The following TRIB3 variants were observed in gnomAD, a reference collection of about 807,000 sequenced individuals.
TRIB3 encodes tribbles pseudokinase 3.
A neutral mutation model predicts 16.6 loss-of-function variants in TRIB3; 20 were observed. The observed-to-expected ratio is 1.20, with a 90% CI of 0.85 to 1.75. The LOEUF is 1.75. Among genes scored for constraint, TRIB3 ranks in the 40% most tolerant of loss-of-function variants. The pLI is 0.00. For synonymous variants in TRIB3, 208 were observed against 217.0 expected (o/e 0.96, Z 0.36); for missense variants, 484 against 488.9 (o/e 0.99, Z 0.10).
rs948780258 is a variant in TRIB3, at chr20:391,234, A to T, written c.292-53A>T. 6 of 1,570,408 alleles carry T rather than the reference A, an allele frequency of 3.8e-6. 1 individual carries two copies. The highest frequency in any genetic ancestry group is 5.2e-6 in the Non-Finnish European group (6 of 1,158,370). On this transcript the variant is annotated intron_variant, in intron 2 of 3. Coordinates refer to ENST00000217233, the MANE Select transcript of TRIB3 (RefSeq NM_021158.5). ...GTCAGCTGTGACTGTTTGCAATGCC[A>T]GCCTCAGCTCCCGGGAGTCCCCAGC...
At chr20:386,233 TAAC>T (rs1228153532) in intron 1 of TRIB3, among the ~76,000 whole-genome samples, 2 of 152,106 alleles carry the variant, frequency 1.3e-5, no homozygotes, top group Non-Finnish European at 2.9e-5. Flanking sequence ...GACTGCTGTC[TAAC>T]CTACTTCTCT....
At chr20:395,614 G>A (rs900091633) in intron 3 of TRIB3, among the ~76,000 whole-genome samples, 4 of 152,124 alleles carry the variant, frequency 2.6e-5, no homozygotes, top group Admixed American at 6.5e-5. Flanking sequence ...TGGGAACTGC[G>A]AGGGTGGGTC....
intron 3 of TRIB3, among the ~76,000 whole-genome samples, chr20:393,155 A>G (rs879776523): frequency 0.19 from 27,024 of 143,126 alleles, 3,087 homozygotes; most frequent in East Asian, 0.29. Context: ...CTATGGTACA[A>G]TTACCCAAAC....
At chr20:382,661 A>C in intron 1 of TRIB3, 1 of 1,275,366 alleles carries the variant, frequency 7.8e-7, no homozygotes, top group Admixed American at 2.0e-5. Flanking sequence ...TTGTGTTTTC[A>C]TTTCATCATC....
chr20:394,424 C>G (rs1388097492), intron 3 of TRIB3, among the ~76,000 whole-genome samples: 1 of 152,138 alleles, frequency 6.6e-6, no homozygotes, highest in African/African-American at 2.4e-5. Flanking sequence ...TACATAACTT[C>G]AAACACATTT....
Position 391,291 on chromosome 20 carries a change from A to C in TRIB3, c.296A>C (p.Tyr99Ser). 6.2e-7 allele frequency: 1 copy of C among 1,611,654 alleles called. No homozygotes were observed. Among genetic ancestry groups the C allele is most frequent in the Non-Finnish European group, 8.5e-7 (1 of 1,179,852 alleles). ...PTGTEYTCKV[Y>S]PVQEALAVLE... ...AACACCATGCTCTGCCCACAGGTGT[A>C]CCCCGTCCAGGAAGCCCTGGCCGTG... The change falls in exon 3 of 4, where the codon TAC (tyrosine) becomes TCC (serine). Residue 99 changes from tyrosine to serine, a missense_variant. Tyr to Ser is a moderately radical substitution (Grantham distance 144, BLOSUM62 -2). Transcript: ENST00000217233.
chr20:393,249 A>G (rs1486011004), intron 3 of TRIB3, among the ~76,000 whole-genome samples: 2 of 152,064 alleles, frequency 1.3e-5, no homozygotes, highest in Non-Finnish European at 2.9e-5. Flanking sequence ...GAGGATCCCA[A>G]TTTAGTCATC....
rs1475836304 is a variant in TRIB3, at chr20:380,978, G to GATTAGCTCCGGTTTGCATCACCCGTA, written c.-192_-191insATTAGCTCCGGTTTGCATCACCCGTA. ...CCGGTTTGCATCACCCGGACCGGGG[G>GATTAGCTCCGGTTTGCATCACCCGTA]CCGGGCGCGCACGAGACTCGCAGCG... is the stretch of plus-strand genomic sequence containing the variant. On this transcript the variant is annotated 5_prime_UTR_variant, in exon 1 of 4. It removes the in-frame stop codon of an upstream open reading frame in the 5' UTR. Transcript: ENST00000217233. 1 of 150,488 alleles carries GATTAGCTCCGGTTTGCATCACCCGTA rather than the reference G, an allele frequency of 6.6e-6. No individual in the cohort carries two copies. The highest frequency in any genetic ancestry group is 1.5e-5 in the Non-Finnish European group (1 of 67,498). 9.3% of individuals were successfully genotyped at this position (150,488 alleles called of 1,614,324 possible).
intron 3 of TRIB3, among the ~76,000 whole-genome samples, chr20:392,402 A>G (rs1444885489): frequency 6.6e-6 from 1 of 152,122 alleles, no homozygotes; most frequent in East Asian, 1.9e-4. Flanking sequence ...TCCGTTGGTA[A>G]GGAAAAGGGC....
Position 396,296 on chromosome 20 carries a change from C to T in TRIB3, c.683C>T (p.Pro228Leu), listed in dbSNP as rs144887765. 8 of 1,613,796 alleles carry T rather than the reference C, an allele frequency of 5.0e-6. No individual in the cohort carries two copies. The highest frequency in any genetic ancestry group is 1.3e-5 in the African/African-American group (1 of 74,942). Residue 228 changes from proline (P) to leucine (L), a missense_variant, in exon 4 of 4, where the codon CCT (proline) becomes CTT (leucine). Physicochemically the swap from Pro to Leu is moderately conservative, Grantham distance 98. Coordinates refer to ENST00000217233, the MANE Select transcript of TRIB3 (RefSeq NM_021158.5). ...DKHACPAYVG[P>L]EILSSRASYS... Reference sequence around the variant, plus strand: ...CACGCGTGCCCAGCCTACGTGGGACCTGAGATACTCAGCTCACGGGCCTCA... The same window carrying T: ...CACGCGTGCCCAGCCTACGTGGGACTTGAGATACTCAGCTCACGGGCCTCA...
intron 3 of TRIB3, among the ~76,000 whole-genome samples, chr20:394,361 G>A (rs929180102): frequency 1.8e-4 from 28 of 152,198 alleles, no homozygotes; most frequent in African/African-American, 6.8e-4. Flanking sequence ...TTTTATATTA[G>A]AACAAGCATG....
At chr20:390,875 G>T (rs1179190570) in intron 2 of TRIB3, among the ~76,000 whole-genome samples, 1 of 151,630 alleles carries the variant, frequency 6.6e-6, no homozygotes, top group Non-Finnish European at 1.5e-5. Flanking sequence ...GGTGGCACAT[G>T]CCTGTAATCC....
chr20:395,553 A>G (rs925678023), intron 3 of TRIB3, among the ~76,000 whole-genome samples: 2 of 152,172 alleles, frequency 1.3e-5, no homozygotes, highest in African/African-American at 2.4e-5. Context: ...TTTCATTAAA[A>G]TACAATTCCT....
rs983327760 is a variant in TRIB3 at position 384,518 on chromosome 20, C to G, written c.-1+3349C>G. Among the ~76,000 whole-genome samples, 3 of 152,122 alleles carry G rather than the reference C, an allele frequency of 2.0e-5. No individual in the cohort carries two copies. In the South Asian group the frequency reaches 6.2e-4, roughly 32 times the overall value. On this transcript the variant is annotated intron_variant, in intron 1 of 3. Coordinates refer to ENST00000217233, the MANE Select transcript of TRIB3 (RefSeq NM_021158.5). Reference sequence around the variant, plus strand: ...AGCTGGGACTACAGGCATGCACCACCATGCCCACCTAATTTTTGTATGTTT... The same window carrying G: ...AGCTGGGACTACAGGCATGCACCACGATGCCCACCTAATTTTTGTATGTTT...
In TRIB3 at chr20:391,307, C is replaced by A. The variant is rs748933318; in HGVS notation, c.312C>A (p.Ala104=). 6.2e-7 allele frequency: 1 copy of A among 1,612,710 alleles called. No individual in the cohort carries two copies. The highest frequency in any genetic ancestry group is 1.1e-5 in the South Asian group (1 of 91,052). ...YTCKVYPVQE[A]LAVLEPYARL... ...CACAGGTGTACCCCGTCCAGGAAGC[C>A]CTGGCCGTGCTGGAGCCCTATGCGC... Residue 104 remains alanine (A), a synonymous_variant, in exon 3 of 4, where the codon GCC becomes GCA. Transcript: ENST00000217233.
At position 396,347 on chromosome 20, in the gene TRIB3, G is replaced by A. The variant is rs1162307451; in HGVS notation, c.734G>A (p.Trp245Ter). ...TACTCGGGCAAGGCAGCCGATGTCT[G>A]GAGCCTGGGCGTGGCGCTCTTCACC... The part of the protein sequence containing the change: ...ASYSGKAADV[W>*]SLGVALFTML... The change falls in exon 4 of 4, where the codon TGG becomes TAG. Residue 245 changes from tryptophan (W) to a stop codon, truncating the protein, a stop_gained. Coordinates refer to ENST00000217233, the MANE Select transcript of TRIB3 (RefSeq NM_021158.5). LOFTEE classifies it low-confidence loss of function (END_TRUNC). The A allele has an allele frequency of 1.2e-6, 2 of 1,613,736 alleles. No individual in the cohort carries two copies. The highest frequency in any genetic ancestry group is 4.5e-5 in the East Asian group (2 of 44,890).
intron 2 of TRIB3, among the ~76,000 whole-genome samples, chr20:389,339 T>G (rs1333829834): frequency 6.6e-6 from 1 of 152,024 alleles, no homozygotes; most frequent in Non-Finnish European, 1.5e-5. Context: ...GGATAAGCGT[T>G]TCACACAATC....
intron 1 of TRIB3, chr20:382,497 G>C (rs770365443): frequency 1.3e-6 from 2 of 1,531,706 alleles, no homozygotes; most frequent in Non-Finnish European, 1.7e-6. Flanking sequence ...GAGATGTAAG[G>C]AGTGTCATCC....
intron 1 of TRIB3, chr20:385,426 T>A (rs996437208): frequency 2.0e-5 from 3 of 151,920 alleles, no homozygotes; most frequent in African/African-American, 7.3e-5. Context: ...TTTTTTTTTT[T>A]TTTTAACTTT....
Sources: allele counts gnomAD v4.1 joint callset (sites outside exome capture counted in the v4.1 genomes callset), GRCh38; gene constraint gnomAD v4.1.1; transcripts MANE v1.5; gene names NCBI Gene and HGNC (gene_info 2026-07-23, HGNC 2026-07-21).